HTT-AS: variants seen among roughly 807,000 people sequenced by gnomAD.
HTT-AS encodes HTT antisense RNA (head to head).
intron 1 of HTT-AS, among the ~76,000 whole-genome samples, chr4:3,070,524 A>G (rs1712149632): frequency 6.6e-6 from 1 of 152,150 alleles, no homozygotes; most frequent in Non-Finnish European, 1.5e-5. Flanking sequence ...TCCTGACCTC[A>G]GGTGATCAGC....
At chr4:3,046,366 C>T (rs557332613), downstream of HTT-AS, among the ~76,000 whole-genome samples, 47 of 152,270 alleles carry the variant, frequency 3.1e-4, no homozygotes, top group Middle Eastern at 6.8e-3. Context: ...CAGCAGTGTA[C>T]GAGTGAAGTA....
Position 3,051,299 on chromosome 4 carries a change from A to G in HTT-AS, n.1381-1601T>C, listed in dbSNP as rs1711699848. Among the ~76,000 whole-genome samples, 3 of 152,252 alleles carry G rather than the reference A, an allele frequency of 2.0e-5. No homozygotes were observed. The South Asian group carries it at 6.2e-4, about 32-fold the overall frequency. On this transcript the variant is annotated intron_variant and non_coding_transcript_variant, in intron 2 of 2. Transcript: ENST00000664062. ...AGGCTGGTCTCGAACTCCCGACCTC[A>G]GGTGATCCACCTGCCTTGGCCCCCC... is the stretch of plus-strand genomic sequence containing the variant.
chr4:3,055,290 T>A (rs953652308), intron 2 of HTT-AS, among the ~76,000 whole-genome samples: 5 of 150,562 alleles, frequency 3.3e-5, no homozygotes, highest in Admixed American at 6.6e-5. Context: ...ACAGCGAGAC[T>A]CCGTCTAAAA....
intron 1 of HTT-AS, among the ~76,000 whole-genome samples, chr4:3,068,491 G>T (rs1712099591): frequency 6.6e-6 from 1 of 152,066 alleles, no homozygotes; most frequent in Non-Finnish European, 1.5e-5. Flanking sequence ...AATTCTAAAG[G>T]ATGCTTTCCA....
intron 2 of HTT-AS, among the ~76,000 whole-genome samples, chr4:3,049,833 G>A (rs1263772463): frequency 1.3e-5 from 2 of 151,226 alleles, no homozygotes; most frequent in African/African-American, 2.4e-5. Flanking sequence ...TGAAAATGAC[G>A]ATTGAATAAA....
chr4:3,054,447 T>C (rs1157585415), intron 2 of HTT-AS, among the ~76,000 whole-genome samples: 1 of 152,138 alleles, frequency 6.6e-6, no homozygotes, highest in Non-Finnish European at 1.5e-5. Flanking sequence ...TAGTTTTACA[T>C]GCAAGGTGTG....
exon 3 of HTT-AS, among the ~76,000 whole-genome samples, chr4:3,049,693 C>T (rs1711664753): frequency 6.6e-6 from 1 of 152,022 alleles, no homozygotes; most frequent in South Asian, 2.1e-4. Flanking sequence ...ATCCAGTCTT[C>T]GGGTTCTAGA....
intron 1 of HTT-AS, among the ~76,000 whole-genome samples, chr4:3,066,316 C>T (rs1712057726): frequency 6.6e-6 from 1 of 152,208 alleles, no homozygotes; most frequent in South Asian, 2.1e-4. Context: ...ATTACAGGCT[C>T]CCGCCACTAC....
chr4:3,054,659 T>C (rs1222855456), intron 2 of HTT-AS, among the ~76,000 whole-genome samples: 1 of 152,178 alleles, frequency 6.6e-6, no homozygotes, highest in African/African-American at 2.4e-5. Context: ...AGGAGTATTA[T>C]TCATTTTTTC....
At chr4:3,056,155 T>C (rs937658893) in intron 2 of HTT-AS, among the ~76,000 whole-genome samples, 3 of 152,202 alleles carry the variant, frequency 2.0e-5, no homozygotes, top group African/African-American at 7.2e-5. Context: ...TTAGAAGCTT[T>C]ACTTTGGATC....
chr4:3,072,196 G>T lies in HTT-AS; in HGVS notation n.113+2230C>A, dbSNP rs577416939. On this transcript the variant is annotated intron_variant and non_coding_transcript_variant, in intron 1 of 2. Coordinates refer to ENST00000664062, the Ensembl canonical transcript of HTT-AS. ...CCACCTGAGAGCTCAGCCGGGGAAG[G>T]GTCCCTTTCCAATCTCACGTGGTGT... Among the ~76,000 whole-genome samples, 4 of 152,362 alleles carry T rather than the reference G, an allele frequency of 2.6e-5. No homozygotes were observed. In the East Asian group the frequency reaches 7.7e-4, roughly 29 times the overall value.
chr4:3,066,494 A>G (rs1712061132), intron 1 of HTT-AS, among the ~76,000 whole-genome samples: 1 of 152,108 alleles, frequency 6.6e-6, no homozygotes. Context: ...AGCATAGGGG[A>G]CTAAAAATGA....
Position 3,052,045 on chromosome 4 carries a change from C to T in HTT-AS, n.1381-2347G>A, listed in dbSNP as rs565674728. On this transcript the variant is annotated intron_variant and non_coding_transcript_variant, in intron 2 of 2. Transcript: ENST00000664062. ...CTCTACAATCTATCTTGAGTAGTTACGAGGCTTTGCCAGCTGAAAATTAAC... is the reference window on the plus strand; with the variant it reads ...CTCTACAATCTATCTTGAGTAGTTATGAGGCTTTGCCAGCTGAAAATTAAC... Among the ~76,000 whole-genome samples, 314 of 152,196 alleles carry T rather than the reference C, an allele frequency of 2.1e-3. 1 individual carries two copies. Among genetic ancestry groups the T allele is most frequent in the African/African-American group, 7.1e-3 (295 of 41,530 alleles).
At chr4:3,049,301 G>GT (rs2110119602) in exon 3 of HTT-AS, among the ~76,000 whole-genome samples, 1 of 152,234 alleles carries the variant, frequency 6.6e-6, no homozygotes, top group Non-Finnish European at 1.5e-5. Context: ...GCAGGCACCT[G>GT]TAATACCAGC....
At chr4:3,054,146 C>G (rs1286157262) in intron 2 of HTT-AS, among the ~76,000 whole-genome samples, 1 of 151,478 alleles carries the variant, frequency 6.6e-6, no homozygotes, top group East Asian at 1.9e-4. Context: ...TAGATAAGGC[C>G]TGCGGACATG....
intron 1 of HTT-AS, among the ~76,000 whole-genome samples, chr4:3,065,135 A>G (rs1008839712): frequency 6.6e-6 from 1 of 152,360 alleles, no homozygotes; most frequent in Non-Finnish European, 1.5e-5. Context: ...CTTCTTTAGC[A>G]TGATAAAATA....
intron 2 of HTT-AS, among the ~76,000 whole-genome samples, chr4:3,053,904 CAT>C (rs1711758432): frequency 2.6e-5 from 4 of 151,932 alleles, no homozygotes; most frequent in Admixed American, 2.6e-4. Flanking sequence ...GGATTATAGG[CAT>C]ATGCCACCAT....
chr4:3,059,885 T>A (rs1711891919), intron 2 of HTT-AS, among the ~76,000 whole-genome samples: 1 of 152,128 alleles, frequency 6.6e-6, no homozygotes, highest in South Asian at 2.1e-4. Context: ...ATCTTCTTGA[T>A]ATTAATGTTG....
At chr4:3,048,447 T>C (rs570758325), downstream of HTT-AS, among the ~76,000 whole-genome samples, 1 of 152,300 alleles carries the variant, frequency 6.6e-6, no homozygotes, top group South Asian at 2.1e-4. Context: ...AGGGAGACTA[T>C]TATTATGATT....
Sources: gnomAD v4.1 joint callset for allele counts (sites outside exome capture counted in the v4.1 genomes callset) on GRCh38, gnomAD v4.1.1 for gene constraint, MANE v1.5 for transcripts, NCBI Gene and HGNC (gene_info 2026-07-23, HGNC 2026-07-21) for gene names.